Variants in SYNE2 observed in about 807,000 individuals in gnomAD.
SYNE2 encodes the protein spectrin repeat containing nuclear envelope protein 2, also known as nesprin-2.
A neutral mutation model predicts 856.3 loss-of-function variants in SYNE2; 431 were observed. The observed-to-expected ratio is 0.50, with a 90% CI of 0.47 to 0.55. SYNE2 has a LOEUF of 0.55. Among genes scored for constraint, SYNE2 ranks in the 20% least tolerant of loss-of-function variants. SYNE2 has a pLI of 0.00. For missense variants in SYNE2, 8,129 were observed against 8,023.2 expected (o/e 1.01, Z -0.50); for synonymous variants, 2,923 against 2,872.3 (o/e 1.02, Z -0.56).
At chr14:63,876,276 G>A (rs2094715664) in intron 1 of SYNE2, among the ~76,000 whole-genome samples, 1 of 151,664 alleles carries the variant, frequency 6.6e-6, no homozygotes, top group African/African-American at 2.4e-5. Context: ...AGTTAGCGGG[G>A]TGTGTTGGCA....
chr14:64,138,676 CT>C (rs2098115344), intron 79 of SYNE2, among the ~76,000 whole-genome samples: 1 of 151,996 alleles, frequency 6.6e-6, no homozygotes, highest in Non-Finnish European at 1.5e-5. Flanking sequence ...TTGAAATAGG[CT>C]TTTGAGTTCT....
At chr14:63,953,000 T>C (rs111397498) in intron 7 of SYNE2, among the ~76,000 whole-genome samples, 3 of 152,184 alleles carry the variant, frequency 2.0e-5, no homozygotes, top group East Asian at 1.9e-4. Flanking sequence ...AAGCACAGAA[T>C]AGTGATGGAG....
intron 57 of SYNE2, chr14:64,087,405 C>T (rs895325084): frequency 1.6e-6 from 1 of 621,826 alleles, no homozygotes; most frequent in East Asian, 3.7e-5. Flanking sequence ...CTTCTCTCTC[C>T]CCTATTATTA....
chr14:64,187,727 C>G (rs2098499367), intron 97 of SYNE2, among the ~76,000 whole-genome samples: 1 of 152,114 alleles, frequency 6.6e-6, no homozygotes, highest in Admixed American at 6.6e-5. Flanking sequence ...AGTGGGGTGT[C>G]AAAACTTTAC....
intron 14 of SYNE2, among the ~76,000 whole-genome samples, chr14:63,979,542 T>TA (rs1463830737): frequency 6.6e-6 from 1 of 152,256 alleles, no homozygotes; most frequent in Non-Finnish European, 1.5e-5. Context: ...ACATCTAAGT[T>TA]AAAACTACAG....
At chr14:64,219,921 G>A (rs1303799827) in intron 110 of SYNE2, among the ~76,000 whole-genome samples, 3 of 152,174 alleles carry the variant, frequency 2.0e-5, no homozygotes, top group Non-Finnish European at 4.4e-5. Flanking sequence ...ACTAGCCCAG[G>A]GAGCTGCAAA....
intron 1 of SYNE2, among the ~76,000 whole-genome samples, chr14:63,862,796 T>C (rs2140205821): frequency 6.6e-6 from 1 of 151,846 alleles, no homozygotes; most frequent in Non-Finnish European, 1.5e-5. Flanking sequence ...TGTTTTTTTT[T>C]TGTTTTGTTT....
At chr14:63,906,967 T>G (rs2095416353) in intron 1 of SYNE2, among the ~76,000 whole-genome samples, 1 of 152,168 alleles carries the variant, frequency 6.6e-6, no homozygotes, top group Admixed American at 6.5e-5. Flanking sequence ...GCCTCTTTTA[T>G]AAGGGGACTA....
chr14:64,217,135 C>T (rs1473561454), intron 108 of SYNE2, among the ~76,000 whole-genome samples: 1 of 152,240 alleles, frequency 6.6e-6, no homozygotes, highest in Non-Finnish European at 1.5e-5. Context: ...CAATCCATTG[C>T]CATGGTACCT....
chr14:63,789,744 C>T (rs1887663802), intron 1 of SYNE2, among the ~76,000 whole-genome samples: 1 of 151,498 alleles, frequency 6.6e-6, no homozygotes, highest in Non-Finnish European at 1.5e-5. Context: ...TGCCACTGCA[C>T]TCCAGCCTGG....
At chr14:64,146,266 T>A (rs1255868692) in intron 84 of SYNE2, 43 bp downstream of exon 84, 1 of 1,562,784 alleles carries the variant, frequency 6.4e-7, no homozygotes, top group South Asian at 1.2e-5. Context: ...CGAGCTGGGG[T>A]GATTCGGTCA....
At chr14:63,927,284 A>G (rs1322670552) in intron 2 of SYNE2, among the ~76,000 whole-genome samples, 1 of 152,234 alleles carries the variant, frequency 6.6e-6, no homozygotes, top group Non-Finnish European at 1.5e-5. Flanking sequence ...GCAGTGGCTC[A>G]TGCCTGTAAT....
At chr14:63,861,450 G>A (rs1374346010) in intron 1 of SYNE2, among the ~76,000 whole-genome samples, 3 of 151,398 alleles carry the variant, frequency 2.0e-5, no homozygotes, top group African/African-American at 7.3e-5. Context: ...GCCCTACCCC[G>A]TTGTATTTTA....
intron 99 of SYNE2, 68 bp downstream of exon 99, chr14:64,190,305 A>ACCCAGT (rs1223098276): frequency 6.3e-7 from 1 of 1,593,786 alleles, no homozygotes; most frequent in Non-Finnish European, 8.6e-7. Context: ...AGTAAACTGA[A>ACCCAGT]CCCAGTCTTC....
intron 1 of SYNE2, among the ~76,000 whole-genome samples, chr14:63,779,193 C>T (rs1325270120): frequency 6.6e-6 from 1 of 151,590 alleles, no homozygotes; most frequent in African/African-American, 2.4e-5. Context: ...GACATGGTGG[C>T]ATGTGCCTGT....
intron 2 of SYNE2, among the ~76,000 whole-genome samples, chr14:63,918,130 T>G (rs1177000595): frequency 6.6e-6 from 1 of 151,980 alleles, no homozygotes; most frequent in Non-Finnish European, 1.5e-5. Flanking sequence ...CGGGTGGGGG[T>G]GTAATTATTC....
chr14:64,117,022 A>G (rs1042415481), intron 66 of SYNE2, among the ~76,000 whole-genome samples: 1 of 152,232 alleles, frequency 6.6e-6, no homozygotes, highest in Non-Finnish European at 1.5e-5. Context: ...TATAGAGGAC[A>G]TAAGTAGAGT....
At chr14:64,209,889 G>T in intron 102 of SYNE2, 53 bp from the exon 103 acceptor site, 1 of 1,611,544 alleles carries the variant, frequency 6.2e-7, no homozygotes, top group South Asian at 1.1e-5. Flanking sequence ...AAGGGAAGGA[G>T]GGCGTCCTGG....
At position 64,168,868 on chromosome 14, in the gene SYNE2, CAT is replaced by C. The variant is rs1567531039; in HGVS notation, c.16906-5_16906-4del. On this transcript the variant is annotated splice_region_variant and splice_polypyrimidine_tract_variant and intron_variant, in intron 92 of 115. Transcript: ENST00000555002. ...CTAGCTGATATTTTCTGCTTGGACTCATATACAGATGTTAGAAGCTGAAGTTT... is the reference window on the plus strand; with the variant it reads ...CTAGCTGATATTTTCTGCTTGGACTCATACAGATGTTAGAAGCTGAAGTTT... 6 of 1,594,278 alleles carry C rather than the reference CAT, an allele frequency of 3.8e-6. No individual in the cohort carries two copies. In the South Asian group the frequency reaches 6.6e-5, roughly 18 times the overall value.
Sources: gnomAD v4.1 joint callset for allele counts (sites outside exome capture counted in the v4.1 genomes callset) on GRCh38, gnomAD v4.1.1 for gene constraint, MANE v1.5 for transcripts, NCBI Gene and HGNC (gene_info 2026-07-23, HGNC 2026-07-21) for gene names.